NME7: variants seen among roughly 807,000 people sequenced by gnomAD.
NME7 encodes nucleoside diphosphate kinase 7.
Under a neutral mutation model 49.1 loss-of-function variants are expected in NME7, and 41 were observed. The observed-to-expected ratio is 0.83, with a 90% CI of 0.65 to 1.08. The LOEUF (loss-of-function observed/expected upper bound fraction) is 1.08, where lower values mean the gene tolerates loss of function less well. NME7 is among the 50% of genes least tolerant of loss of function. The pLI is 0.00. For synonymous variants in NME7, 139 were observed against 150.6 expected (o/e 0.92, Z 0.56); for missense variants, 423 against 463.4 (o/e 0.91, Z 0.80).
chr1:169,175,735 G>T (rs1215575226), intron 10 of NME7, among the ~76,000 whole-genome samples: 1 of 139,674 alleles, frequency 7.2e-6, no homozygotes, highest in African/African-American at 2.5e-5. Flanking sequence ...CTAAGTACAA[G>T]GAAAAAAATA....
intron 7 of NME7, among the ~76,000 whole-genome samples, chr1:169,283,654 C>G (rs1307975228): frequency 5.9e-5 from 9 of 152,182 alleles, no homozygotes. Context: ...GTGACAAATT[C>G]CCTCAGCATT....
intron 1 of NME7, among the ~76,000 whole-genome samples, chr1:169,333,016 G>C (rs941235985): frequency 6.6e-6 from 1 of 152,136 alleles, no homozygotes; most frequent in Non-Finnish European, 1.5e-5. Context: ...TCCTATGTTT[G>C]TTGCAGCACT....
In NME7 at chr1:169,169,468, C is replaced by T. The variant is rs1659513949; in HGVS notation, c.1077G>A (p.Leu359=). ...TTACCTCTAATAGGCCATCCTCTGG[C>T]AGATCAGTACAGTGAACAGCATTCT... ...KIQNAVHCTD[L]PEDGLLEVQY... The change falls in exon 11 of 12, where the codon CTG becomes CTA. Residue 359 remains leucine (L), a synonymous_variant. Coordinates refer to ENST00000367811, the MANE Select transcript of NME7 (RefSeq NM_013330.5). 6.2e-7 allele frequency: 1 copy of T among 1,613,534 alleles called. No individual in the cohort carries two copies. Among genetic ancestry groups the T allele is most frequent in the East Asian group, 2.2e-5 (1 of 44,860 alleles).
At chr1:169,143,372 C>T (rs1013105411) in intron 11 of NME7, among the ~76,000 whole-genome samples, 2 of 147,910 alleles carry the variant, frequency 1.4e-5, no homozygotes, top group Non-Finnish European at 3.0e-5. Flanking sequence ...GCTATTTTCT[C>T]GGCCTGGAGT....
At chr1:169,310,865 A>C (rs2101921410) in intron 3 of NME7, 1 of 152,264 alleles carries the variant, frequency 6.6e-6, no homozygotes, top group South Asian at 2.1e-4. Flanking sequence ...CCACATCACA[A>C]ATAATGTTAC....
intron 1 of NME7, among the ~76,000 whole-genome samples, chr1:169,358,761 T>C (rs1037547110): frequency 1.3e-5 from 2 of 152,084 alleles, no homozygotes; most frequent in Non-Finnish European, 2.9e-5. Context: ...ATGTAATGTA[T>C]AGAAATACCA....
At position 169,257,708 on chromosome 1, in the gene NME7, T is replaced by A. The variant is rs1649013501; in HGVS notation, c.755-20021A>T. Among the ~76,000 whole-genome samples, 3 of 134,426 alleles carry A rather than the reference T, an allele frequency of 2.2e-5. 1 individual carries two copies. The highest frequency in any genetic ancestry group is 5.2e-5 in the Non-Finnish European group (3 of 57,200). 88.2% of individuals were successfully genotyped at this position (134,426 alleles called of 152,430 possible). ...AAAGTTTAAAACTCCTTTTAGCATT[T>A]TCAATAGAGCTGGTCTAGTAGTAAC... On this transcript the variant is annotated intron_variant, in intron 7 of 11. Transcript: ENST00000367811.
intron 10 of NME7, among the ~76,000 whole-genome samples, chr1:169,177,287 C>T (rs1249274812): frequency 1.3e-5 from 2 of 152,260 alleles, no homozygotes; most frequent in East Asian, 3.9e-4. Context: ...CAGTCGGCTT[C>T]TATATCCACT....
At chr1:169,141,234 T>C (rs1364910388) in intron 11 of NME7, among the ~76,000 whole-genome samples, 1 of 152,170 alleles carries the variant, frequency 6.6e-6, no homozygotes, top group African/African-American at 2.4e-5. Context: ...TATCATTATA[T>C]GTGATCTGGG....
chr1:169,365,560 T>A (rs1045459044), intron 1 of NME7, among the ~76,000 whole-genome samples: 2 of 145,882 alleles, frequency 1.4e-5, no homozygotes, highest in Non-Finnish European at 3.0e-5. Context: ...GGCAAGAGAA[T>A]TTTTTTTTTT....
chr1:169,276,594 C>T lies in NME7; in HGVS notation c.754+10709G>A, dbSNP rs575932163. Among the ~76,000 whole-genome samples, 2 of 131,402 alleles carry T rather than the reference C, an allele frequency of 1.5e-5. 1 individual carries two copies. Among genetic ancestry groups the T allele is most frequent in the Admixed American group, 1.5e-4 (2 of 13,268 alleles). 86.2% of individuals were successfully genotyped at this position (131,402 alleles called of 152,430 possible). A position where few individuals can be genotyped will look rare whatever the true frequency, so the allele number is the denominator to read the frequency against. On this transcript the variant is annotated intron_variant, in intron 7 of 11. Coordinates refer to ENST00000367811, the MANE Select transcript of NME7 (RefSeq NM_013330.5). ...CTTCTCTCTTTTTTTCTTTATTAGT[C>T]TTGCTAGCGGTCTATCAATTTTGCT... is the stretch of plus-strand genomic sequence containing the variant.
At chr1:169,175,946 C>A (rs1436688307) in intron 10 of NME7, among the ~76,000 whole-genome samples, 1 of 152,068 alleles carries the variant, frequency 6.6e-6, no homozygotes, top group Non-Finnish European at 1.5e-5. Context: ...ATAACTAAAA[C>A]AGCAAATATT....
At chr1:169,277,274 G>A (rs1459877128) in intron 7 of NME7, among the ~76,000 whole-genome samples, 1 of 141,612 alleles carries the variant, frequency 7.1e-6, no homozygotes, top group African/African-American at 2.6e-5. Flanking sequence ...TCTGTCTAAT[G>A]TTGACAGTGG....
intron 7 of NME7, among the ~76,000 whole-genome samples, chr1:169,276,916 T>C (rs917128071): frequency 2.7e-5 from 4 of 149,654 alleles, no homozygotes; most frequent in African/African-American, 9.8e-5. Context: ...TCAAAGAACA[T>C]CTTTATTTCT....
intron 3 of NME7, among the ~76,000 whole-genome samples, chr1:169,315,310 G>C (rs1229253331): frequency 2.0e-5 from 3 of 149,566 alleles, no homozygotes; most frequent in Non-Finnish European, 3.0e-5. Flanking sequence ...TGTCACCCAG[G>C]CTGGAGTGCA....
intron 7 of NME7, among the ~76,000 whole-genome samples, chr1:169,252,193 C>T (rs1176511001): frequency 6.6e-6 from 1 of 151,284 alleles, no homozygotes; most frequent in Non-Finnish European, 1.5e-5. Flanking sequence ...TAAAAGTGTT[C>T]CTATTTCTCC....
At chr1:169,303,374 G>A (rs900553854) in intron 4 of NME7, 179 bp from the exon 5 acceptor site, 8 of 289,638 alleles carry the variant, frequency 2.8e-5, no homozygotes, top group Middle Eastern at 1.1e-3. Flanking sequence ...TTTTAAGTAT[G>A]AGTAATATCA....
intron 10 of NME7, among the ~76,000 whole-genome samples, chr1:169,222,365 T>G (rs1235781455): frequency 6.6e-6 from 1 of 152,204 alleles, no homozygotes; most frequent in Non-Finnish European, 1.5e-5. Context: ...CAAACATTTA[T>G]GAATGCATGA....
At chr1:169,138,295 G>GGCGA (rs1450197289) in intron 11 of NME7, among the ~76,000 whole-genome samples, 1 of 148,164 alleles carries the variant, frequency 6.7e-6, no homozygotes, top group East Asian at 3.0e-4. Context: ...TGGGTGACAG[G>GGCGA]GCGAGACTCC....
Sources: allele counts gnomAD v4.1 joint callset (sites outside exome capture counted in the v4.1 genomes callset), GRCh38; gene constraint gnomAD v4.1.1; transcripts MANE v1.5; gene names NCBI Gene and HGNC (gene_info 2026-07-23, HGNC 2026-07-21).